The following METTL4 variants were observed in gnomAD, a reference collection of about 807,000 sequenced individuals.
The protein encoded by METTL4 is methyltransferase 4, N6-adenosine, also known as N(6)-adenine-specific methyltransferase METTL4.
In METTL4, 40 loss-of-function variants were observed where a neutral mutation model predicts 54.0. The observed-to-expected ratio is 0.74, with a 90% CI of 0.58 to 0.96. METTL4 has a LOEUF of 0.96. Ranked by LOEUF, METTL4 falls within the 50% of genes least tolerant of loss-of-function variation. The pLI is 0.00. For missense variants in METTL4, 525 were observed against 549.0 expected, an observed-to-expected ratio of 0.96 and a Z score of 0.44; for synonymous variants, 169 against 183.8, an observed-to-expected ratio of 0.92 and a Z score of 0.65.
At chr18:2,563,600 C>CAAAAAAA (rs67428228) in intron 3 of METTL4, among the ~76,000 whole-genome samples, 197 bp downstream of exon 3, 3 of 97,800 alleles carry the variant, frequency 3.1e-5, no homozygotes, top group Non-Finnish European at 3.8e-5. Context: ...GACTCTGCCT[C>CAAAAAAA]AAAAAAAAAA....
intron 1 of METTL4, among the ~76,000 whole-genome samples, chr18:2,569,857 T>TAA (rs2072476380): frequency 6.6e-6 from 1 of 152,172 alleles, no homozygotes; most frequent in African/African-American, 2.4e-5. Context: ...CCAGAAGCCA[T>TAA]AAGGTAAGGT....
intron 3 of METTL4, among the ~76,000 whole-genome samples, chr18:2,562,708 A>G (rs1361152428): frequency 7.9e-5 from 12 of 152,140 alleles, no homozygotes; most frequent in Non-Finnish European, 1.6e-4. Flanking sequence ...TATATGAAAT[A>G]TCTACCATAG....
At chr18:2,560,854 G>A (rs1346689624) in intron 3 of METTL4, among the ~76,000 whole-genome samples, 4 of 152,156 alleles carry the variant, frequency 2.6e-5, no homozygotes, top group Non-Finnish European at 4.4e-5. Context: ...CTCCAGCCTG[G>A]GCGACAGAGC....
chr18:2,542,000 T>C (rs1401071879), intron 8 of METTL4, among the ~76,000 whole-genome samples: 2 of 152,052 alleles, frequency 1.3e-5, no homozygotes, highest in Admixed American at 1.3e-4. Context: ...AAAAATAAAA[T>C]ATTACAATAT....
chr18:2,563,900 A>G (rs1187942513), intron 2 of METTL4, 41 bp from the exon 3 acceptor site: 1 of 1,486,710 alleles, frequency 6.7e-7, no homozygotes, highest in East Asian at 2.3e-5. Flanking sequence ...TTATGTTGCC[A>G]TTAATATTTT....
chr18:2,569,369 A>G (rs1168968685), intron 1 of METTL4, among the ~76,000 whole-genome samples: 1 of 152,214 alleles, frequency 6.6e-6, no homozygotes. Context: ...AGTATATTTA[A>G]ATTGATTCCC....
At chr18:2,556,417 C>A (rs1435106312) in intron 3 of METTL4, among the ~76,000 whole-genome samples, 2 of 151,786 alleles carry the variant, frequency 1.3e-5, no homozygotes, top group Non-Finnish European at 2.9e-5. Context: ...GAAAAAAGCT[C>A]AAGAATATTT....
intron 5 of METTL4, among the ~76,000 whole-genome samples, chr18:2,549,920 G>C (rs918956697): frequency 1.3e-5 from 2 of 151,422 alleles, no homozygotes; most frequent in Non-Finnish European, 2.9e-5. Flanking sequence ...CCTGAACCCA[G>C]GAGGTGAAGG....
intron 5 of METTL4, among the ~76,000 whole-genome samples, chr18:2,548,164 A>T (rs2072100124): frequency 1.3e-5 from 2 of 152,014 alleles, no homozygotes; most frequent in South Asian, 2.1e-4. Flanking sequence ...AAGCCCTCAT[A>T]TTTTCATTTT....
intron 8 of METTL4, among the ~76,000 whole-genome samples, 182 bp downstream of exon 8, chr18:2,544,013 C>T (rs1490839355): frequency 1.3e-5 from 2 of 152,342 alleles, no homozygotes; most frequent in South Asian, 4.1e-4. Context: ...TAAAACTAAT[C>T]TATTCTCTAT....
At chr18:2,556,070 A>T (rs2072234397) in intron 3 of METTL4, among the ~76,000 whole-genome samples, 1 of 152,182 alleles carries the variant, frequency 6.6e-6, no homozygotes, top group Non-Finnish European at 1.5e-5. Flanking sequence ...CAGAGCTCCT[A>T]AGAGCTGCAG....
chr18:2,539,701 C>T (rs1430705611), intron 8 of METTL4: 24 of 343,622 alleles, frequency 7.0e-5, no homozygotes, highest in South Asian at 1.2e-4. Flanking sequence ...AGGCTGGTCT[C>T]GAACTCCTGA....
In METTL4 at chr18:2,552,927, A is replaced by G. The variant is rs896727225; in HGVS notation, c.830-163T>C. ...ATTTATTCAAACAGAGTAATTTATC[A>G]TTAAATATTAGATGTTTCCTTTACC... On this transcript the variant is annotated intron_variant, in intron 4 of 8. Coordinates refer to ENST00000574538, the MANE Select transcript of METTL4 (RefSeq NM_022840.5). 1.1e-5 allele frequency: 6 copies of G among 563,988 alleles called. No homozygotes were observed. The African/African-American group carries it at 1.1e-4, about 11-fold the overall frequency. 34.9% of individuals were successfully genotyped at this position (563,988 alleles called of 1,614,324 possible).
intron 5 of METTL4, 63 bp downstream of exon 5, chr18:2,552,632 T>C: frequency 1.9e-6 from 2 of 1,049,648 alleles, no homozygotes; most frequent in Non-Finnish European, 2.9e-6. Context: ...AATAGTATAT[T>C]AAACTATAAT....
In METTL4 at chr18:2,537,860, C is replaced by A. The variant is rs1470057966; in HGVS notation, c.*1140G>T. 7 of 398,446 alleles carry A rather than the reference C, an allele frequency of 1.8e-5. No homozygotes were observed. In the East Asian group the frequency reaches 2.5e-4, roughly 14 times the overall value. The allele number at this position is 398,446 out of a possible 1,614,324, so 24.7% of individuals were successfully genotyped here. A position where few individuals can be genotyped will look rare whatever the true frequency, so the allele number is the denominator to read the frequency against. On this transcript the variant is annotated 3_prime_UTR_variant, in exon 9 of 9. Transcript: ENST00000574538. ...CCATTTATATGAAATTCTCAAACAG[C>A]AGAACTAATGATAGAAAGCAAACCA...
Position 2,544,672 on chromosome 18 carries a change from T to C in METTL4, c.1162A>G (p.Lys388Glu). 6.2e-7 allele frequency: 1 copy of C among 1,610,910 alleles called. No individual in the cohort carries two copies. The highest frequency in any genetic ancestry group is 1.1e-5 in the South Asian group (1 of 90,742). ...TCCTACCTCAATGGTAGAGCAGTTT[T>C]TTCTTGAACCCTCCCCAGTATAAGA... ...EGLILGRVQE[K>E]TALPLRNADV... Residue 388 changes from lysine to glutamate, a missense_variant, in exon 7 of 9, where the codon AAA becomes GAA. By Grantham distance (56) the Lys-to-Glu change is moderately conservative. Transcript: ENST00000574538.
chr18:2,551,006 T>C (rs2072148432), intron 5 of METTL4, among the ~76,000 whole-genome samples: 1 of 150,728 alleles, frequency 6.6e-6, no homozygotes, highest in Non-Finnish European at 1.5e-5. Context: ...CTACTAAAAA[T>C]ACAAAAAATT....
At chr18:2,559,603 C>A (rs1315929647) in intron 3 of METTL4, among the ~76,000 whole-genome samples, 6 of 152,092 alleles carry the variant, frequency 3.9e-5, no homozygotes, top group East Asian at 1.9e-4. Flanking sequence ...TTTAAAAAAA[C>A]CACAAATTAC....
At chr18:2,560,254 T>G (rs1480409429) in intron 3 of METTL4, among the ~76,000 whole-genome samples, 1 of 151,242 alleles carries the variant, frequency 6.6e-6, no homozygotes, top group African/African-American at 2.4e-5. Context: ...TATCAATAAA[T>G]AAAGAAAAAA....
Sources: gnomAD v4.1 joint callset for allele counts (sites outside exome capture counted in the v4.1 genomes callset) on GRCh38, gnomAD v4.1.1 for gene constraint, MANE v1.5 for transcripts, NCBI Gene and HGNC (gene_info 2026-07-23, HGNC 2026-07-21) for gene names.